EXOC1: variants seen among roughly 807,000 people sequenced by gnomAD.
The protein encoded by EXOC1 is SEC3-like 1.
A neutral mutation model predicts 107.7 loss-of-function variants in EXOC1; 67 were observed. The ratio of observed to expected loss-of-function variants is 0.62; its 90% confidence interval spans 0.51 to 0.76. The LOEUF is 0.76. Ranked by LOEUF, EXOC1 falls within the 30% of genes least tolerant of loss-of-function variation. EXOC1 has a pLI of 0.00. For synonymous variants in EXOC1, 348 were observed against 353.5 expected, an observed-to-expected ratio of 0.98 and a Z score of 0.17; for missense variants, 833 against 1,055.7, an observed-to-expected ratio of 0.79 and a Z score of 2.92.
rs1460329920 is a variant in EXOC1, at chr4:55,859,313, T to C, written c.124+866T>C. On this transcript the variant is annotated intron_variant, in intron 2 of 18. Coordinates refer to ENST00000381295, the MANE Select transcript of EXOC1 (RefSeq NM_001024924.2). ...GTGTTTTTTAACTTTATAAGTTTCA[T>C]CATTTTCTCTAAAGGTTTGTCATGT... 2.0e-5 allele frequency among the ~76,000 whole-genome samples: 3 copies of C among 152,162 alleles called. No homozygotes were observed. In the East Asian group the frequency reaches 5.8e-4, roughly 29 times the overall value.
At chr4:55,887,423 G>A (rs947077066) in intron 10 of EXOC1, among the ~76,000 whole-genome samples, 5 of 152,086 alleles carry the variant, frequency 3.3e-5, no homozygotes, top group African/African-American at 9.7e-5. Flanking sequence ...GAATGCAGCA[G>A]TAAACAAAGA....
Position 55,860,514 on chromosome 4 carries a change from T to A in EXOC1, c.228T>A (p.Ala76=). The change falls in exon 3 of 19, where the codon GCT becomes GCA. Residue 76 remains alanine, a synonymous_variant. Transcript: ENST00000381295. ...RQIAWALRDL[A]VVDAKDAIKE... is the part of the protein sequence containing the mutation. ...TTGCATGGGCCCTTCGAGATCTTGC[T>A]GTGGTAGATGCCAAAGATGCTATCA... is the stretch of plus-strand genomic sequence containing the variant. 6.2e-7 allele frequency: 1 copy of A among 1,614,090 alleles called. No homozygotes were observed. The highest frequency in any genetic ancestry group is 8.5e-7 in the Non-Finnish European group (1 of 1,179,938).
chr4:55,875,914 A>C, intron 8 of EXOC1: 1 of 917,870 alleles, frequency 1.1e-6, no homozygotes, highest in Non-Finnish European at 1.3e-6. Flanking sequence ...ATAAAAATAA[A>C]TTTTTAAAAA....
rs147958295 is a variant in EXOC1 at position 55,860,270 on chromosome 4, C to T, written c.125-141C>T. On this transcript the variant is annotated intron_variant, in intron 2 of 18. Transcript: ENST00000381295. The stretch of plus-strand genomic sequence containing the variant: ...TTCTATTAGGATTCTGTGCTTTCCT[C>T]GGTCATAGCACTTGTTGCAAAGTAT... The T allele has an allele frequency of 4.9e-4, 444 of 899,640 alleles. 2 individuals are homozygous for T. The African/African-American group carries it at 6.6e-3, about 13-fold the overall frequency. 55.7% of individuals were successfully genotyped at this position (899,640 alleles called of 1,614,324 possible).
chr4:55,897,153 G>A (rs1186743591), intron 16 of EXOC1, among the ~76,000 whole-genome samples: 2 of 149,868 alleles, frequency 1.3e-5, no homozygotes, highest in South Asian at 2.1e-4. Flanking sequence ...TTTAAGATGG[G>A]CCTCACTCTG....
Position 55,904,498 on chromosome 4 carries a change from C to A in EXOC1, c.*3C>A. On this transcript the variant is annotated 3_prime_UTR_variant, in exon 19 of 19. Transcript: ENST00000381295. ...CCAGCATTGCACAGTCCCACTAAAC[C>A]TTGTGAAAGAAGAAAAGATAACTGA... 1 of 1,600,884 alleles carries A rather than the reference C, an allele frequency of 6.2e-7. No individual in the cohort carries two copies. Among genetic ancestry groups the A allele is most frequent in the Non-Finnish European group, 8.5e-7 (1 of 1,173,684 alleles).
At chr4:55,902,713 G>T (rs1201867141) in intron 18 of EXOC1, among the ~76,000 whole-genome samples, 175 bp downstream of exon 18, 2 of 152,030 alleles carry the variant, frequency 1.3e-5, no homozygotes, top group Admixed American at 1.3e-4. Context: ...AGCATATATG[G>T]CTATTTCTGC....
chr4:55,870,750 A>C lies in EXOC1; in HGVS notation c.676A>C (p.Lys226Gln). The C allele has an allele frequency of 6.2e-7, 1 of 1,613,910 alleles. No individual in the cohort carries two copies. The highest frequency in any genetic ancestry group is 8.5e-7 in the Non-Finnish European group (1 of 1,179,912). Residue 226 changes from lysine (K) to glutamine (Q), a missense_variant, in exon 6 of 19, where the codon AAG becomes CAG. Lys to Gln is a moderately conservative substitution (Grantham distance 53). Coordinates refer to ENST00000381295, the MANE Select transcript of EXOC1 (RefSeq NM_001024924.2). Reference protein sequence around the residue: ...ILMKLLDEALKEVDQIELKLS... With the variant: ...ILMKLLDEALQEVDQIELKLS... ...GATGAAATTGCTAGATGAGGCTCTAAAGGAGGTAGATCAGATTGAATTGAA... is the reference window on the plus strand; with the variant it reads ...GATGAAATTGCTAGATGAGGCTCTACAGGAGGTAGATCAGATTGAATTGAA...
At chr4:55,878,090 C>T (rs751316502) in intron 9 of EXOC1, 24 bp downstream of exon 9, 2 of 1,607,778 alleles carry the variant, frequency 1.2e-6, no homozygotes, top group Non-Finnish European at 1.7e-6. Flanking sequence ...GTCATTTACT[C>T]ACTGAGAATA....
chr4:55,875,503 C>T (rs2110343703), intron 8 of EXOC1: 2 of 973,590 alleles, frequency 2.1e-6, no homozygotes, highest in South Asian at 9.5e-5. Flanking sequence ...AGTGCAGACA[C>T]TAGAGCCAAA....
At position 55,870,852 on chromosome 4, in the gene EXOC1, C is replaced by A. The variant is rs773202822; in HGVS notation, c.778C>A (p.His260Asn). The A allele has an allele frequency of 1.9e-6, 3 of 1,613,844 alleles. No individual in the cohort carries two copies. In the South Asian group the frequency reaches 3.3e-5, roughly 18 times the overall value. The change falls in exon 6 of 19, where the codon CAT becomes AAT. Residue 260 changes from histidine to asparagine, a missense_variant. Transcript: ENST00000381295. Reference sequence around the variant, plus strand: ...GATCTCTGAAAGCAACCACCTAATTCATCTTAGTAACACTAATAATGTAAA... The same window carrying A: ...GATCTCTGAAAGCAACCACCTAATTAATCTTAGTAACACTAATAATGTAAA... ...DQISESNHLI[H>N]LSNTNNVKLL...
At chr4:55,876,245 A>G (rs1288393836) in intron 8 of EXOC1, 1 of 985,400 alleles carries the variant, frequency 1.0e-6, no homozygotes, top group East Asian at 1.1e-4. Context: ...CTTAGTCCTC[A>G]TTGATTCTTT....
chr4:55,884,625 A>G (rs1723699311), intron 10 of EXOC1, among the ~76,000 whole-genome samples: 1 of 152,204 alleles, frequency 6.6e-6, no homozygotes, highest in African/African-American at 2.4e-5. Context: ...TCTTGCATGT[A>G]TCCATCTCTG....
At chr4:55,898,840 A>G (rs1725553992) in intron 16 of EXOC1, among the ~76,000 whole-genome samples, 1 of 152,134 alleles carries the variant, frequency 6.6e-6, no homozygotes. Context: ...CATTTACCAA[A>G]TCTTCTATTA....
intron 2 of EXOC1, among the ~76,000 whole-genome samples, chr4:55,859,574 A>T (rs1721289592): frequency 6.6e-6 from 1 of 151,966 alleles, no homozygotes; most frequent in South Asian, 2.1e-4. Context: ...TAGTTTTTAT[A>T]TCTTTTATTT....
At chr4:55,860,624 T>A in intron 3 of EXOC1, 83 bp downstream of exon 3, 1 of 1,473,246 alleles carries the variant, frequency 6.8e-7, no homozygotes, top group Non-Finnish European at 9.2e-7. Context: ...TAAAATGATC[T>A]AAAAACAAAT....
Position 55,868,520 on chromosome 4 carries a change from TG to T in EXOC1, c.603+1del, listed in dbSNP as rs759722317. 6.2e-7 allele frequency: 1 copy of T among 1,613,184 alleles called. No homozygotes were observed. The highest frequency in any genetic ancestry group is 8.5e-7 in the Non-Finnish European group (1 of 1,179,356). On this transcript the variant is annotated frameshift_variant and splice_region_variant, in exon 5 of 19. Transcript: ENST00000381295. LOFTEE classifies it high-confidence loss of function. ...KLSRELQVLD[G>X]ANIQSIMASE... ...TGTCCAGAGAGCTGCAGGTGCTAGA[TG>T]GGGTAAGACTTTCCTGAATTCTATG...
chr4:55,883,683 C>T lies in EXOC1; in HGVS notation c.1225-140C>T, dbSNP rs912793900. On this transcript the variant is annotated intron_variant, in intron 9 of 18. Transcript: ENST00000381295. ...AATTGTTTTTTAAGACAGAAAGTAACCTATTTTTATATCCTGTGAAATACA... is the reference window on the plus strand; with the variant it reads ...AATTGTTTTTTAAGACAGAAAGTAATCTATTTTTATATCCTGTGAAATACA... 1.8e-5 allele frequency: 9 copies of T among 492,842 alleles called. No individual in the cohort carries two copies. In the Admixed American group the frequency reaches 2.1e-4, roughly 12 times the overall value. 30.5% of individuals were successfully genotyped at this position (492,842 alleles called of 1,614,324 possible).
intron 4 of EXOC1, among the ~76,000 whole-genome samples, chr4:55,865,175 A>G (rs1434854708): frequency 6.6e-6 from 1 of 152,228 alleles, no homozygotes; most frequent in Non-Finnish European, 1.5e-5. Context: ...ATCCTTAGAC[A>G]TGAAGATTAT....
Sources: gnomAD v4.1 joint callset for allele counts (sites outside exome capture counted in the v4.1 genomes callset) on GRCh38, gnomAD v4.1.1 for gene constraint, MANE v1.5 for transcripts, NCBI Gene and HGNC (gene_info 2026-07-23, HGNC 2026-07-21) for gene names.